AP2B1: variants seen among roughly 807,000 people sequenced by gnomAD.
The protein encoded by AP2B1 is AP-2 complex subunit beta.
AP2B1 carries 23 observed loss-of-function variants against 102.0 expected under a neutral mutation model. That is an observed-to-expected ratio of 0.23 (90% CI 0.16 to 0.32). AP2B1 has a LOEUF of 0.32. Among genes scored for constraint, AP2B1 ranks in the 10% least tolerant of loss-of-function variants. The pLI, the probability that AP2B1 is intolerant of heterozygous loss-of-function variation, is 1.00. For missense variants in AP2B1, 541 were observed against 1,157.4 expected, an observed-to-expected ratio of 0.47 and a Z score of 7.73; for synonymous variants, 381 against 421.2, an observed-to-expected ratio of 0.90 and a Z score of 1.17.
chr17:35,718,355 TGTGC>T (rs1256936340), intron 21 of AP2B1, among the ~76,000 whole-genome samples: 3 of 139,846 alleles, frequency 2.1e-5, no homozygotes, highest in African/African-American at 5.5e-5. Context: ...TGTGTGTGTG[TGTGC>T]TCGCTCCTGA....
At chr17:35,626,533 G>A in intron 6 of AP2B1, 88 bp from the exon 7 acceptor site, 1 of 1,070,456 alleles carries the variant, frequency 9.3e-7, no homozygotes, top group Non-Finnish European at 1.4e-6. Context: ...TTGATACTTG[G>A]CCATTAGACT....
At chr17:35,701,836 T>G (rs2076245080) in intron 18 of AP2B1, among the ~76,000 whole-genome samples, 1 of 152,222 alleles carries the variant, frequency 6.6e-6, no homozygotes, top group African/African-American at 2.4e-5. Flanking sequence ...CAAGCTTGTC[T>G]CGAACTCCTG....
chr17:35,677,024 C>T (rs1053881976), intron 17 of AP2B1, among the ~76,000 whole-genome samples: 2 of 152,166 alleles, frequency 1.3e-5, no homozygotes, highest in Non-Finnish European at 2.9e-5. Context: ...AAGGCTTGCT[C>T]TGTCACCCAG....
chr17:35,623,876 T>G (rs962258906), intron 5 of AP2B1, among the ~76,000 whole-genome samples: 1 of 152,206 alleles, frequency 6.6e-6, no homozygotes, highest in African/African-American at 2.4e-5. Flanking sequence ...TCACAGAGAT[T>G]ACATATTCTC....
At chr17:35,668,080 G>A (rs966176735) in intron 14 of AP2B1, among the ~76,000 whole-genome samples, 3 of 151,872 alleles carry the variant, frequency 2.0e-5, no homozygotes, top group African/African-American at 7.3e-5. Flanking sequence ...TGGGACTACA[G>A]GTTCCCGTCA....
chr17:35,591,062 T>C (rs1313933695), intron 1 of AP2B1, among the ~76,000 whole-genome samples: 4 of 149,468 alleles, frequency 2.7e-5, no homozygotes, highest in Non-Finnish European at 4.4e-5. Context: ...TAGTCCCAGC[T>C]ACTCTGAAGG....
At chr17:35,710,106 C>A in intron 19 of AP2B1, 128 bp from the exon 20 acceptor site, 1 of 714,616 alleles carries the variant, frequency 1.4e-6, no homozygotes, top group East Asian at 2.7e-5. Flanking sequence ...GCATTGGCTC[C>A]ATTCCCAGCC....
At chr17:35,630,896 C>T (rs1410574123) in intron 9 of AP2B1, among the ~76,000 whole-genome samples, 1 of 151,836 alleles carries the variant, frequency 6.6e-6, no homozygotes, top group East Asian at 1.9e-4. Context: ...TTTCCTGTAA[C>T]TGTTTCAGCC....
In AP2B1 at chr17:35,621,329, G is replaced by T. The variant is rs1031810337; in HGVS notation, c.526-3068G>T. 10 of 985,234 alleles carry T rather than the reference G, an allele frequency of 1.0e-5. No individual in the cohort carries two copies. In the African/African-American group the frequency reaches 1.7e-4, roughly 17 times the overall value. 61.0% of individuals were successfully genotyped at this position (985,234 alleles called of 1,614,324 possible). A position where few individuals can be genotyped will look rare whatever the true frequency, so the allele number is the denominator to read the frequency against. ...TTTCATTGAAGAGTGAGAGAAACTC[G>T]GCTTACGGACCAGGAAAACTGAGAG... On this transcript the variant is annotated intron_variant, in intron 5 of 21. Transcript: ENST00000610402.
intron 12 of AP2B1, among the ~76,000 whole-genome samples, chr17:35,646,846 C>T (rs2074948147): frequency 6.6e-6 from 1 of 152,022 alleles, no homozygotes; most frequent in African/African-American, 2.4e-5. Context: ...ACCTTGGCCT[C>T]CTGAAGTGCT....
chr17:35,672,278 G>A (rs958865946), intron 16 of AP2B1, among the ~76,000 whole-genome samples: 4 of 152,114 alleles, frequency 2.6e-5, no homozygotes, highest in Non-Finnish European at 5.9e-5. Context: ...TTGGTATTAC[G>A]TATGGATTCT....
Position 35,608,291 on chromosome 17 carries a change from C to T in AP2B1, c.429C>T (p.Val143=). Residue 143 remains valine, a synonymous_variant, in exon 5 of 22, where the codon GTC becomes GTT. Coordinates refer to ENST00000610402, the MANE Select transcript of AP2B1 (RefSeq NM_001030006.2). ...EDPYVRKTAA[V]CVAKLHDINA... ...CCTATGTTCGGAAAACAGCAGCAGT[C>T]TGCGTGGCAAAACTCCATGATATCA... is the stretch of plus-strand genomic sequence containing the variant. 6.2e-7 allele frequency: 1 copy of T among 1,614,178 alleles called. No homozygotes were observed. The highest frequency in any genetic ancestry group is 8.5e-7 in the Non-Finnish European group (1 of 1,180,038).
intron 10 of AP2B1, 121 bp downstream of exon 10, chr17:35,636,577 T>C (rs1598124851): frequency 1.6e-6 from 1 of 615,680 alleles, no homozygotes; most frequent in East Asian, 3.2e-5. Flanking sequence ...GGATACTTTA[T>C]CAAAAATCGG....
intron 13 of AP2B1, 130 bp downstream of exon 13, chr17:35,650,919 A>T: frequency 1.2e-5 from 13 of 1,071,604 alleles, no homozygotes; most frequent in Non-Finnish European, 1.7e-5. Context: ...TATAGTCTGG[A>T]AAAGAACTGC....
At chr17:35,593,862 C>T (rs1189724697) in intron 1 of AP2B1, 146 bp from the exon 2 acceptor site, 14 of 493,772 alleles carry the variant, frequency 2.8e-5, no homozygotes, top group Non-Finnish European at 4.4e-5. Flanking sequence ...GAACCATCAA[C>T]GGTGGTGATA....
intron 16 of AP2B1, among the ~76,000 whole-genome samples, chr17:35,672,920 G>C (rs907330079): frequency 5.3e-5 from 8 of 152,218 alleles, no homozygotes; most frequent in Non-Finnish European, 8.8e-5. Flanking sequence ...AAAAGATCAT[G>C]CCCATAGCTG....
chr17:35,630,082 T>C (rs957164337), intron 9 of AP2B1, among the ~76,000 whole-genome samples: 1 of 152,244 alleles, frequency 6.6e-6, no homozygotes, highest in Non-Finnish European at 1.5e-5. Context: ...ACCAGTACTT[T>C]ACCGGAACAA....
At chr17:35,669,490 C>T (rs772988515) in intron 14 of AP2B1, among the ~76,000 whole-genome samples, 7 of 152,136 alleles carry the variant, frequency 4.6e-5, no homozygotes, top group Non-Finnish European at 8.8e-5. Context: ...ATCCCCTGTG[C>T]AACCATTAAG....
intron 5 of AP2B1, among the ~76,000 whole-genome samples, chr17:35,612,731 A>G (rs545219528): frequency 1.3e-5 from 2 of 152,290 alleles, no homozygotes; most frequent in Admixed American, 6.5e-5. Context: ...CCTAGTTCTG[A>G]GTCCCAGACT....
Sources: gnomAD v4.1 joint callset for allele counts (sites outside exome capture counted in the v4.1 genomes callset) on GRCh38, gnomAD v4.1.1 for gene constraint, MANE v1.5 for transcripts, NCBI Gene and HGNC (gene_info 2026-07-23, HGNC 2026-07-21) for gene names.